STK24: variants seen among roughly 807,000 people sequenced by gnomAD.
STK24 encodes the protein serine/threonine-protein kinase 24.
STK24 carries 21 observed loss-of-function variants against 55.6 expected under a neutral mutation model. The ratio of observed to expected loss-of-function variants is 0.38; its 90% CI spans 0.27 to 0.54. STK24 has a LOEUF of 0.54. Ranked by LOEUF, STK24 falls within the 20% of genes least tolerant of loss-of-function variation. The pLI is 0.79. For synonymous variants in STK24, 200 were observed against 215.2 expected, an observed-to-expected ratio of 0.93 and a Z score of 0.62; for missense variants, 383 against 538.4, an observed-to-expected ratio of 0.71 and a Z score of 2.86.
rs574768202 is a variant in STK24 at position 98,446,081 on chromosome 13, G to T, written c.*7092C>A. On this transcript the variant is annotated 3_prime_UTR_variant, in exon 11 of 11. Transcript: ENST00000539966. Reference sequence around the variant, plus strand: ...CAGGTGCCCGCTGTGCTTCTCACAGGCCTCCTTGCCTTTCAGAATCAGTTG... The same window carrying T: ...CAGGTGCCCGCTGTGCTTCTCACAGTCCTCCTTGCCTTTCAGAATCAGTTG... 1 of 1,575,450 alleles carries T rather than the reference G, an allele frequency of 6.3e-7. No homozygotes were observed.
chr13:98,453,934 A>C (rs1893324774), intron 10 of STK24: 1 of 152,222 alleles, frequency 6.6e-6, no homozygotes, highest in Admixed American at 6.5e-5. Flanking sequence ...TATCCGCATT[A>C]TACTTACCAG....
chr13:98,472,769 G>C (rs1398096966), intron 5 of STK24, among the ~76,000 whole-genome samples: 1 of 152,092 alleles, frequency 6.6e-6, no homozygotes, highest in African/African-American at 2.4e-5. Flanking sequence ...TTTGACTTAT[G>C]GGTTCACATC....
intron 3 of STK24, 95 bp from the exon 4 acceptor site, chr13:98,475,453 G>C (rs1894331558): frequency 3.6e-6 from 3 of 831,298 alleles, no homozygotes; most frequent in Middle Eastern, 3.7e-4. Flanking sequence ...AATGGACAAG[G>C]GTAATTAAAA....
At chr13:98,483,886 G>A (rs1406298451) in intron 2 of STK24, among the ~76,000 whole-genome samples, 1 of 152,222 alleles carries the variant, frequency 6.6e-6, no homozygotes, top group Non-Finnish European at 1.5e-5. Context: ...GCCATCTGGA[G>A]TTGATTCTAA....
At chr13:98,470,288 C>A (rs909601919) in intron 5 of STK24, among the ~76,000 whole-genome samples, 1 of 141,568 alleles carries the variant, frequency 7.1e-6, no homozygotes, top group Admixed American at 7.0e-5. Flanking sequence ...TTTTTAAATT[C>A]TTTGTAGAGG....
chr13:98,577,022 ACTGCCGCCGCCGCCGCTG>A lies in STK24; in HGVS notation c.-254_-237del, dbSNP rs1461670008. The A allele has an allele frequency of 6.8e-6, 1 of 147,636 alleles. No homozygotes were observed. The highest frequency in any genetic ancestry group is 1.5e-5 in the Non-Finnish European group (1 of 67,362). The allele number at this position is 147,636 out of a possible 1,614,324, so 9.1% of individuals were successfully genotyped here. A position where few individuals can be genotyped will look rare whatever the true frequency, so the allele number is the denominator to read the frequency against. ...GCTGGGGGCGCAGGGCCTCGCGCGC[ACTGCCGCCGCCGCCGCTG>A]CTGCCGCTACTGCTGGGCTGGAGCC... On this transcript the variant is annotated 5_prime_UTR_variant, in exon 1 of 11. Coordinates refer to ENST00000539966, the MANE Select transcript of STK24 (RefSeq NM_001032296.4). The surrounding 1 kb of genome is among the most constrained non-coding windows in gnomAD (Gnocchi z 4.1).
chr13:98,456,176 G>A (rs1239257362), intron 10 of STK24: 2 of 183,034 alleles, frequency 1.1e-5, no homozygotes, highest in Non-Finnish European at 2.3e-5. Flanking sequence ...TCAGAACTGT[G>A]GTTTTCTCCT....
In STK24 at chr13:98,446,583, C is replaced by A; in HGVS notation, c.*6590G>T. On this transcript the variant is annotated 3_prime_UTR_variant, in exon 11 of 11. Transcript: ENST00000539966. Reference sequence around the variant, plus strand: ...GAGGGAGCTGCCTGGGCTCCCAAGTCCCTGTCTGATGCGGGGCAGCAGCCA... The same window carrying A: ...GAGGGAGCTGCCTGGGCTCCCAAGTACCTGTCTGATGCGGGGCAGCAGCCA... 6.9e-7 allele frequency: 1 copy of A among 1,451,166 alleles called. No individual in the cohort carries two copies. Among genetic ancestry groups the A allele is most frequent in the South Asian group, 1.2e-5 (1 of 81,946 alleles). The allele number at this position is 1,451,166 out of a possible 1,614,324, so 89.9% of individuals were successfully genotyped here.
chr13:98,521,114 G>A (rs1157853181), intron 1 of STK24, among the ~76,000 whole-genome samples: 1 of 152,154 alleles, frequency 6.6e-6, no homozygotes. Flanking sequence ...TCTAACGAGC[G>A]GCCAGGGATT....
intron 8 of STK24, among the ~76,000 whole-genome samples, chr13:98,461,042 TCA>T (rs1893682357): frequency 9.3e-6 from 1 of 107,752 alleles, no homozygotes; most frequent in African/African-American, 3.6e-5. Flanking sequence ...AGACCCCGTC[TCA>T]AAAAAAAAAA....
chr13:98,473,274 G>GAAGGAGGGAGGGGGGGA, intron 5 of STK24, among the ~76,000 whole-genome samples: 2 of 2,080 alleles, frequency 9.6e-4, no homozygotes, highest in East Asian at 0.013. Context: ...GGAAGGAAAG[G>GAAGGAGGGAGGGGGGGA]GGAAAGGAAG....
rs1261459939 is a variant in STK24, at chr13:98,450,178, T to C, written c.*2995A>G. The C allele has an allele frequency of 1.3e-5, 2 of 152,122 alleles. No homozygotes were observed. Among genetic ancestry groups the C allele is most frequent in the African/African-American group, 4.8e-5 (2 of 41,416 alleles). The allele number at this position is 152,122 out of a possible 1,614,324, so 9.4% of individuals were successfully genotyped here. A position where few individuals can be genotyped will look rare whatever the true frequency, so the allele number is the denominator to read the frequency against. Reference sequence around the variant, plus strand: ...AGTGGAGTTTGAGACACACTACACATGAGACACACAATGATGCAGATACTC... The same window carrying C: ...AGTGGAGTTTGAGACACACTACACACGAGACACACAATGATGCAGATACTC... On this transcript the variant is annotated 3_prime_UTR_variant, in exon 11 of 11. Coordinates refer to ENST00000539966, the MANE Select transcript of STK24 (RefSeq NM_001032296.4).
At chr13:98,544,912 CAAAA>C (rs762972559) in intron 1 of STK24, among the ~76,000 whole-genome samples, 3 of 151,834 alleles carry the variant, frequency 2.0e-5, no homozygotes, top group Admixed American at 2.0e-4. Context: ...AAAACAATGA[CAAAA>C]AAGCATATCA....
chr13:98,492,411 A>G (rs1303147099), intron 2 of STK24, among the ~76,000 whole-genome samples: 1 of 152,162 alleles, frequency 6.6e-6, no homozygotes, highest in Non-Finnish European at 1.5e-5. Flanking sequence ...TAGGGGAGGA[A>G]AAAAGGGTGC....
At chr13:98,472,526 T>C (rs892477962) in intron 5 of STK24, among the ~76,000 whole-genome samples, 1 of 152,208 alleles carries the variant, frequency 6.6e-6, no homozygotes, top group Non-Finnish European at 1.5e-5. Flanking sequence ...AACTGCTTAT[T>C]TATTGTTTCT....
chr13:98,572,550 C>G lies in STK24; in HGVS notation c.42+4195G>C, dbSNP rs371667530. Among the ~76,000 whole-genome samples, 20 of 152,306 alleles carry G rather than the reference C, an allele frequency of 1.3e-4. 1 individual carries two copies. The highest frequency in any genetic ancestry group is 4.6e-4 in the African/African-American group (19 of 41,562). On this transcript the variant is annotated intron_variant, in intron 1 of 10. Transcript: ENST00000539966. ...TTCCCAGACTCCCAGAGTGCACAGG[C>G]TTCCCTAGGGTGGAGCAGAGCACTT...
At chr13:98,563,596 C>T (rs1255424735) in intron 1 of STK24, among the ~76,000 whole-genome samples, 1 of 152,046 alleles carries the variant, frequency 6.6e-6, no homozygotes, top group African/African-American at 2.4e-5. Flanking sequence ...TGGTGGCTCA[C>T]GCCTGTAATC....
chr13:98,567,308 T>A (rs1462875200), intron 1 of STK24, among the ~76,000 whole-genome samples: 1 of 151,846 alleles, frequency 6.6e-6, no homozygotes, highest in African/African-American at 2.4e-5. Flanking sequence ...TCGGCATCTG[T>A]GGCACACGTG....
At chr13:98,517,917 T>C (rs189876839) in intron 2 of STK24, among the ~76,000 whole-genome samples, 1 of 152,360 alleles carries the variant, frequency 6.6e-6, no homozygotes, top group Admixed American at 6.5e-5. Context: ...ATTAAGTACC[T>C]ACTACATGTC....
Sources: allele counts gnomAD v4.1 joint callset (sites outside exome capture counted in the v4.1 genomes callset), GRCh38; gene constraint gnomAD v4.1.1; non-coding constraint Gnocchi (gnomAD v3.1); transcripts MANE v1.5; gene names NCBI Gene and HGNC (gene_info 2026-07-23, HGNC 2026-07-21).